The following WLS variants were observed in gnomAD, a reference collection of about 807,000 sequenced individuals.
WLS encodes Wnt ligand secretion mediator.
In WLS, 23 loss-of-function variants were observed where a neutral mutation model predicts 62.8. The ratio of observed to expected loss-of-function variants is 0.37; its 90% CI spans 0.26 to 0.52. The LOEUF (loss-of-function observed/expected upper bound fraction) is 0.52, where lower values mean the gene tolerates loss of function less well. Among genes scored for constraint, WLS ranks in the 20% least tolerant of loss-of-function variants. WLS has a pLI of 0.92. For synonymous variants in WLS, 246 were observed against 244.1 expected, an observed-to-expected ratio of 1.01 and a Z score of -0.07; for missense variants, 615 against 697.3, an observed-to-expected ratio of 0.88 and a Z score of 1.33.
intron 9 of WLS, 37 bp from the exon 10 acceptor site, chr1:68,144,689 G>A: frequency 1.3e-6 from 2 of 1,508,790 alleles, no homozygotes; most frequent in Non-Finnish European, 9.2e-7. Context: ...TACTCCATCA[G>A]CTACCAATCC....
At chr1:68,137,660 G>T in intron 11 of WLS, 120 bp downstream of exon 11, 2 of 1,158,260 alleles carry the variant, frequency 1.7e-6, no homozygotes, top group Non-Finnish European at 2.4e-6. Context: ...CTCCCAGTGT[G>T]AGGAGTATAC....
At chr1:68,187,189 C>CAAAAAAAAAAAAAAAAAA (rs34130992) in intron 2 of WLS, among the ~76,000 whole-genome samples, 709 of 57,034 alleles carry the variant, frequency 0.012, 36 homozygotes, top group African/African-American at 0.02. Flanking sequence ...ACTCCATCTC[C>CAAAAAAAAAAAAAAAAAA]AAAAAAAAAA....
At chr1:68,103,308 G>A (rs1235772337) in intron 11 of WLS, among the ~76,000 whole-genome samples, 1 of 152,220 alleles carries the variant, frequency 6.6e-6, no homozygotes, top group Admixed American at 6.5e-5. Flanking sequence ...AAAGGATTTG[G>A]ACTGAACTGA....
intron 11 of WLS, 137 bp from the exon 12 acceptor site, chr1:68,126,472 T>G (rs547974612): frequency 1.7e-6 from 2 of 1,180,278 alleles, no homozygotes; most frequent in Non-Finnish European, 2.4e-6. Context: ...GCACACAACA[T>G]TCAGAACAAG....
At chr1:68,190,139 G>A (rs1026956697) in intron 2 of WLS, among the ~76,000 whole-genome samples, 3 of 152,146 alleles carry the variant, frequency 2.0e-5, no homozygotes, top group Admixed American at 6.5e-5. Flanking sequence ...CTGGCTAAGA[G>A]CGGTTCTGTA....
chr1:68,126,462 G>T, intron 11 of WLS, 127 bp from the exon 12 acceptor site: 2 of 1,238,904 alleles, frequency 1.6e-6, no homozygotes, highest in Non-Finnish European at 2.3e-6. Context: ...GACACCTAGG[G>T]CACACAACAT....
At chr1:68,200,871 G>T (rs1557516753) in intron 1 of WLS, among the ~76,000 whole-genome samples, 1 of 152,022 alleles carries the variant, frequency 6.6e-6, no homozygotes, top group African/African-American at 2.4e-5. Flanking sequence ...TTAAACCCTT[G>T]GGCAATTGCA....
intron 1 of WLS, among the ~76,000 whole-genome samples, chr1:68,196,662 A>G (rs1648676832): frequency 6.6e-6 from 1 of 152,166 alleles, no homozygotes; most frequent in Non-Finnish European, 1.5e-5. Flanking sequence ...GACAATGCCT[A>G]TTAATACTTA....
At chr1:68,216,985 C>T (rs1649756366) in intron 1 of WLS, among the ~76,000 whole-genome samples, 1 of 152,126 alleles carries the variant, frequency 6.6e-6, no homozygotes, top group African/African-American at 2.4e-5. Flanking sequence ...CTACAGTCTC[C>T]TCATTTTAAA....
At position 68,159,029 on chromosome 1, in the gene WLS, C is replaced by A; in HGVS notation, c.504+94G>T. ...AGGTATTACCAAAGCTGTCCTCATG[C>A]GAAGAAGGGACACACCTATGAAAAG... On this transcript the variant is annotated intron_variant, in intron 3 of 11. Coordinates refer to ENST00000262348, the MANE Select transcript of WLS (RefSeq NM_024911.7). The A allele has an allele frequency of 9.2e-6, 14 of 1,517,422 alleles. No homozygotes were observed. In the South Asian group the frequency reaches 1.6e-4, roughly 18 times the overall value. The allele number at this position is 1,517,422 out of a possible 1,614,324, so 94.0% of individuals were successfully genotyped here.
At chr1:68,202,855 C>G (rs1355891600) in intron 1 of WLS, 2 of 152,190 alleles carry the variant, frequency 1.3e-5, no homozygotes, top group African/African-American at 4.8e-5. Flanking sequence ...CAAAGTGGCT[C>G]TGGCAAAGCT....
intron 10 of WLS, among the ~76,000 whole-genome samples, chr1:68,140,580 G>A (rs1206236222): frequency 6.6e-6 from 1 of 152,198 alleles, no homozygotes; most frequent in Non-Finnish European, 1.5e-5. Flanking sequence ...CACCAAGCCT[G>A]ACAGGAAATA....
At chr1:68,159,402 A>G (rs1051720454) in intron 2 of WLS, among the ~76,000 whole-genome samples, 155 bp from the exon 3 acceptor site, 4 of 152,208 alleles carry the variant, frequency 2.6e-5, no homozygotes, top group African/African-American at 4.8e-5. Flanking sequence ...CTTAGAAGTC[A>G]TAGGATGAAA....
At chr1:68,140,132 G>T (rs1046864997) in intron 10 of WLS, among the ~76,000 whole-genome samples, 87 of 152,264 alleles carry the variant, frequency 5.7e-4, no homozygotes, top group African/African-American at 2.1e-3. Flanking sequence ...TATTAATGAC[G>T]CTGTGAGGTA....
At chr1:68,159,075 C>A in intron 3 of WLS, 48 bp downstream of exon 3, 1 of 1,609,910 alleles carries the variant, frequency 6.2e-7, no homozygotes, top group Admixed American at 1.7e-5. Context: ...TTTCCACATA[C>A]CTGAGAACCA....
At chr1:68,161,704 T>C in intron 2 of WLS, 1 of 1,319,028 alleles carries the variant, frequency 7.6e-7, no homozygotes, top group South Asian at 1.3e-5. Context: ...CATTTTTCAC[T>C]ATCTCTTGGT....
intron 5 of WLS, 130 bp from the exon 6 acceptor site, chr1:68,150,486 T>C: frequency 7.8e-7 from 1 of 1,289,706 alleles, no homozygotes. Context: ...ATCAATTTCT[T>C]CTGCACAGAG....
At chr1:68,203,114 T>G in intron 1 of WLS, 1 of 152,384 alleles carries the variant, frequency 6.6e-6, no homozygotes, top group Non-Finnish European at 1.5e-5. Context: ...ATATTATTGT[T>G]AATAATAAAC....
At chr1:68,126,504 C>T (rs1172175584) in intron 11 of WLS, among the ~76,000 whole-genome samples, 169 bp from the exon 12 acceptor site, 1 of 152,188 alleles carries the variant, frequency 6.6e-6, no homozygotes, top group East Asian at 1.9e-4. Flanking sequence ...AACCTGTTCA[C>T]TTGGACTTTG....
Sources: gnomAD v4.1 joint callset for allele counts (sites outside exome capture counted in the v4.1 genomes callset) on GRCh38, gnomAD v4.1.1 for gene constraint, MANE v1.5 for transcripts, NCBI Gene and HGNC (gene_info 2026-07-23, HGNC 2026-07-21) for gene names.